The following PPP1R12C variants were observed in gnomAD, a reference collection of about 807,000 sequenced individuals.
PPP1R12C encodes the protein protein phosphatase 1 regulatory subunit 12C.
A neutral mutation model predicts 95.6 loss-of-function variants in PPP1R12C; 48 were observed. The ratio of observed to expected loss-of-function variants is 0.50; its 90% CI spans 0.40 to 0.64. PPP1R12C has a LOEUF of 0.64. PPP1R12C is among the 30% of genes least tolerant of loss of function. PPP1R12C has a pLI of 0.00. For synonymous variants in PPP1R12C, 480 were observed against 460.8 expected, an observed-to-expected ratio of 1.04 and a Z score of -0.53; for missense variants, 1,057 against 1,083.3, an observed-to-expected ratio of 0.98 and a Z score of 0.34.
intron 6 of PPP1R12C, chr19:55,097,032 CT>C (rs1426625157): frequency 1.1e-4 from 27 of 239,560 alleles, no homozygotes; most frequent in Middle Eastern, 1.5e-3. Context: ...TTCGCCCCTT[CT>C]CCGCGCAGTT....
At chr19:55,110,872 A>G (rs1047352969) in intron 3 of PPP1R12C, among the ~76,000 whole-genome samples, 14 of 151,424 alleles carry the variant, frequency 9.2e-5, no homozygotes, top group Non-Finnish European at 1.6e-4. Flanking sequence ...TCTGTTTCAA[A>G]AAAAAAAAAA....
intron 1 of PPP1R12C, chr19:55,113,615 G>T: frequency 7.8e-7 from 1 of 1,283,172 alleles, no homozygotes; most frequent in Non-Finnish European, 9.9e-7. Context: ...GCTGAGGAAG[G>T]AGTGAAGCTA....
At position 55,095,531 on chromosome 19, in the gene PPP1R12C, G is replaced by C. The variant is rs904093926; in HGVS notation, c.1300C>G (p.Pro434Ala). The C allele has an allele frequency of 2.4e-5, 38 of 1,590,642 alleles. No homozygotes were observed. Among genetic ancestry groups the C allele is most frequent in the Non-Finnish European group, 3.1e-5 (36 of 1,169,070 alleles). Reference protein sequence around the residue: ...KTGSSGALGPPERRTAEGAPG... With the variant: ...KTGSSGALGPAERRTAEGAPG... ...GCTCCCTCCGCTGTCCGCCTTTCAG[G>C]GGGACCCAGGGCACCAGAACTCCCT... Residue 434 changes from proline to alanine, a missense_variant, in exon 10 of 22, where the codon CCT becomes GCT. By Grantham distance (27) the Pro-to-Ala change is conservative. Around this residue, in one of 5 missense-constraint regions of PPP1R12C, gnomAD observed 356 missense variants for 330.5 expected, o/e 1.08. Transcript: ENST00000263433.
chr19:55,112,898 G>A lies in PPP1R12C; in HGVS notation c.322-103C>T, dbSNP rs1397797164. ...ACGAAAACAGATCCAGGGACACGGT[G>A]CTAGGACAGTGGGGAAAATGACCCA... On this transcript the variant is annotated intron_variant, in intron 1 of 21. Coordinates refer to ENST00000263433, the MANE Select transcript of PPP1R12C (RefSeq NM_017607.4). 5 of 1,477,240 alleles carry A rather than the reference G, an allele frequency of 3.4e-6. No homozygotes were observed. In the Admixed American group the frequency reaches 7.6e-5, roughly 23 times the overall value. 91.5% of individuals were successfully genotyped at this position (1,477,240 alleles called of 1,614,324 possible).
intron 1 of PPP1R12C, 26 bp from the exon 2 acceptor site, chr19:55,112,821 C>T (rs777189654): frequency 2.5e-6 from 4 of 1,609,296 alleles, no homozygotes; most frequent in Non-Finnish European, 3.4e-6. Context: ...AGCCGTCAGC[C>T]GCACCTACCC....
chr19:55,092,658 T>C lies in PPP1R12C; in HGVS notation c.1916A>G (p.Glu639Gly). ...GCTGCGGTCAGCCGGCTCCGCCTCC[T>C]CCCCCTGTGGGCAGGTAGACGGGGG... ...GKEWRGPAEG[E>G]EAEPADRSQE... The change falls in exon 17 of 22, where the codon GAG (glutamate) becomes GGG (glycine). Residue 639 changes from glutamate to glycine, a missense_variant. Transcript: ENST00000263433. 6.6e-7 allele frequency: 1 copy of C among 1,516,608 alleles called. No individual in the cohort carries two copies. The highest frequency in any genetic ancestry group is 2.1e-5 in the Admixed American group (1 of 46,596). 93.9% of individuals were successfully genotyped at this position (1,516,608 alleles called of 1,614,324 possible). A position where few individuals can be genotyped will look rare whatever the true frequency, so the allele number is the denominator to read the frequency against.
At position 55,109,018 on chromosome 19, in the gene PPP1R12C, G is replaced by C. The variant is rs1044140382; in HGVS notation, c.571+3449C>G. 1.3e-5 allele frequency among the ~76,000 whole-genome samples: 2 copies of C among 152,196 alleles called. No homozygotes were observed. Among genetic ancestry groups the C allele is most frequent in the South Asian group, 4.1e-4 (2 of 4,830 alleles). On this transcript the variant is annotated intron_variant, in intron 3 of 21. Coordinates refer to ENST00000263433, the MANE Select transcript of PPP1R12C (RefSeq NM_017607.4). The surrounding 1 kb of genome is among the most constrained non-coding windows in gnomAD (Gnocchi z 4.4). ...GTCCCACCGCATGGATGGGCCACATGTTGATTTTCCATTCATTCGATGATG... is the reference window on the plus strand; with the variant it reads ...GTCCCACCGCATGGATGGGCCACATCTTGATTTTCCATTCATTCGATGATG...
chr19:55,097,387 C>CT (rs2084930335), intron 6 of PPP1R12C, among the ~76,000 whole-genome samples: 1 of 138,632 alleles, frequency 7.2e-6, no homozygotes, highest in Non-Finnish European at 1.6e-5. Flanking sequence ...TTCACCCCTT[C>CT]CCTGCAGTTC....
In PPP1R12C at chr19:55,117,306, CG is replaced by C; in HGVS notation, c.237del (p.Ala80ProfsTer48). 8.3e-7 allele frequency: 1 copy of C among 1,203,664 alleles called. No individual in the cohort carries two copies. Among genetic ancestry groups the C allele is most frequent in the Non-Finnish European group, 1.0e-6 (1 of 971,224 alleles). The allele number at this position is 1,203,664 out of a possible 1,614,324, so 74.6% of individuals were successfully genotyped here. On this transcript the variant is annotated frameshift_variant, in exon 1 of 22. Transcript: ENST00000263433. LOFTEE classifies it high-confidence loss of function. The stretch of plus-strand genomic sequence containing the variant: ...GGCGGCGCGGCGGGGTCGAGCTCGG[CG>C]CCGGGGCCAGGGTCGGCGGCGCGCA... ...LMLRAADPGPGAELDPAAPPP... is the reference protein window; with the variant it reads ...LMLRAADPGPXAELDPAAPPP...
chr19:55,111,150 A>AGGGGGGGGGGGGGGGGGGGGGGGGGGG (rs66532829), intron 3 of PPP1R12C, among the ~76,000 whole-genome samples: 2 of 65,084 alleles, frequency 3.1e-5, no homozygotes, highest in African/African-American at 4.4e-5. Flanking sequence ...GGTGGGGGGG[A>AGGGGGGGGGGGGGGGGGGGGGGGGGGG]GGGGGGGGTG....
At chr19:55,105,491 T>TGTG (rs997941466) in intron 3 of PPP1R12C, among the ~76,000 whole-genome samples, 12 of 152,208 alleles carry the variant, frequency 7.9e-5, no homozygotes, top group African/African-American at 1.9e-4. Flanking sequence ...TATCTTTTGT[T>TGTG]GTGGTGGTGG....
intron 3 of PPP1R12C, chr19:55,111,402 A>G (rs1327843584): frequency 6.6e-6 from 1 of 152,204 alleles, no homozygotes; most frequent in Admixed American, 6.5e-5. Context: ...GTCACATGCT[A>G]TTGCTTCAAC....
At chr19:55,116,340 G>T (rs1373513952) in intron 1 of PPP1R12C, among the ~76,000 whole-genome samples, 1 of 152,162 alleles carries the variant, frequency 6.6e-6, no homozygotes, top group African/African-American at 2.4e-5. Flanking sequence ...ACACGGGGAG[G>T]ATCCGCTCAG....
intron 3 of PPP1R12C, 197 bp downstream of exon 3, chr19:55,112,270 C>T (rs1044524181): frequency 1.1e-5 from 4 of 361,342 alleles, no homozygotes; most frequent in African/African-American, 4.5e-5. Flanking sequence ...TCATCCTGTG[C>T]GTGTGCTGGG....
chr19:55,098,285 A>G (rs550504537), intron 6 of PPP1R12C, among the ~76,000 whole-genome samples: 1 of 152,358 alleles, frequency 6.6e-6, no homozygotes, highest in Non-Finnish European at 1.5e-5. Flanking sequence ...CCGGAAAGGA[A>G]AGTGGCTGGC....
rs757393360 is a variant in PPP1R12C, at chr19:55,093,184, G to A, written c.1733C>T (p.Ala578Val). 2.5e-6 allele frequency: 4 copies of A among 1,613,576 alleles called. No individual in the cohort carries two copies. The African/African-American group carries it at 5.3e-5, about 22-fold the overall frequency. The change falls in exon 14 of 22, where the codon GCC (alanine) becomes GTC (valine). Residue 578 changes from alanine (A) to valine (V), a missense_variant. Around this residue, in one of 5 missense-constraint regions of PPP1R12C, gnomAD observed 347 missense variants for 307.9 expected, o/e 1.13. Transcript: ENST00000263433. ...CTGCGCCGGCTTCTCTGACTCTGGG[G>A]CCTTCCCTGCAGCCTTCTCTGCCTC... ...LKEAEKAAGK[A>V]PESEKPAQSL...
At chr19:55,092,122 G>A in intron 19 of PPP1R12C, 100 bp downstream of exon 19, 1 of 1,207,476 alleles carries the variant, frequency 8.3e-7, no homozygotes, top group Non-Finnish European at 1.2e-6. Context: ...GTGAAGCCCA[G>A]CCCCGCCGGC....
Position 55,099,055 on chromosome 19 carries a change from C to G in PPP1R12C, c.772G>C (p.Gly258Arg). The G allele has an allele frequency of 6.4e-7, 1 of 1,552,706 alleles. No homozygotes were observed. The highest frequency in any genetic ancestry group is 1.2e-5 in the South Asian group (1 of 84,248). Residue 258 changes from glycine to arginine, a missense_variant, in exon 5 of 22, where the codon GGG becomes CGG. Around this residue, in one of 5 missense-constraint regions of PPP1R12C, gnomAD observed 282 missense variants for 380.4 expected, o/e 0.74. Coordinates refer to ENST00000263433, the MANE Select transcript of PPP1R12C (RefSeq NM_017607.4). ...GCGTGCAGGGGAGTCCAGCCGTCCC[C>G]GTCCCGGAGCTCTGGGTCGTAGCCA... ...QAGYDPELRD[G>R]DGWTPLHAAA...
chr19:55,117,281 G>T lies in PPP1R12C; in HGVS notation c.263C>A (p.Pro88Gln). 1 of 1,221,110 alleles carries T rather than the reference G, an allele frequency of 8.2e-7. No homozygotes were observed. The highest frequency in any genetic ancestry group is 1.0e-6 in the Non-Finnish European group (1 of 982,340). The allele number at this position is 1,221,110 out of a possible 1,614,324, so 75.6% of individuals were successfully genotyped here. Residue 88 changes from proline to glutamine, a missense_variant, in exon 1 of 22, where the codon CCG (proline) becomes CAG (glutamine). Physicochemically the swap from Pro to Gln is moderately conservative, Grantham distance 76. Transcript: ENST00000263433. ...GGAGTCCAGCACGGCGCGGGCGGGCGGCGGCGCGGCGGGGTCGAGCTCGGC... is the reference window on the plus strand; with the variant it reads ...GGAGTCCAGCACGGCGCGGGCGGGCTGCGGCGCGGCGGGGTCGAGCTCGGC... ...PGAELDPAAP[P>Q]PARAVLDSTN...
Sources: gnomAD v4.1 joint callset for allele counts (sites outside exome capture counted in the v4.1 genomes callset) on GRCh38, gnomAD v4.1.1 for gene constraint, gnomAD v4.1.1 regional missense constraint, Gnocchi (gnomAD v3.1) non-coding constraint, MANE v1.5 for transcripts, NCBI Gene and HGNC (gene_info 2026-07-23, HGNC 2026-07-21) for gene names.